ODAD2: variants seen among roughly 807,000 people sequenced by gnomAD.
ODAD2 encodes outer dynein arm docking complex subunit 2.
A neutral mutation model predicts 106.8 loss-of-function variants in ODAD2; 89 were observed. The observed-to-expected ratio is 0.83, with a 90% CI of 0.70 to 0.99. ODAD2 has a LOEUF of 0.99. ODAD2 is among the 50% of genes least tolerant of loss of function. The probability of loss-of-function intolerance (pLI) is 0.00; values close to 1 mark genes in which losing one functional copy is unlikely to be tolerated. For synonymous variants in ODAD2, 404 were observed against 436.2 expected (o/e 0.93, Z 0.92); for missense variants, 1,168 against 1,238.5 (o/e 0.94, Z 0.85).
chr10:27,842,891 C>T (rs1480518537), intron 19 of ODAD2, among the ~76,000 whole-genome samples: 1 of 152,200 alleles, frequency 6.6e-6, no homozygotes, highest in East Asian at 1.9e-4. Context: ...ATATACTCAA[C>T]ATCAATCAGT....
intron 17 of ODAD2, among the ~76,000 whole-genome samples, chr10:27,899,317 G>T (rs145388658): frequency 6.6e-6 from 1 of 152,060 alleles, no homozygotes; most frequent in Admixed American, 6.6e-5. Context: ...TTTGCAACCC[G>T]CAGACCAGGA....
At chr10:27,855,399 T>C (rs1478916293) in intron 19 of ODAD2, among the ~76,000 whole-genome samples, 1 of 152,136 alleles carries the variant, frequency 6.6e-6, no homozygotes, top group Non-Finnish European at 1.5e-5. Flanking sequence ...TATATATTCA[T>C]CGATACCAAT....
At chr10:27,816,940 G>C (rs1214056779) in intron 19 of ODAD2, among the ~76,000 whole-genome samples, 1 of 152,092 alleles carries the variant, frequency 6.6e-6, no homozygotes, top group Non-Finnish European at 1.5e-5. Context: ...AGTAGAGACG[G>C]GGTTTTGCCA....
At chr10:27,974,690 T>TG (rs35735652) in intron 7 of ODAD2, among the ~76,000 whole-genome samples, 65 of 64,558 alleles carry the variant, frequency 1.0e-3, no homozygotes, top group African/African-American at 3.5e-3. Context: ...TCTGTTTTTG[T>TG]TTTTTTTTTT....
In ODAD2 at chr10:27,913,121, T is replaced by C. The variant is rs560956949; in HGVS notation, c.2496-5344A>G. 4.6e-5 allele frequency among the ~76,000 whole-genome samples: 7 copies of C among 152,244 alleles called. No individual in the cohort carries two copies. In the East Asian group the frequency reaches 1.4e-3, roughly 29 times the overall value. On this transcript the variant is annotated intron_variant, in intron 16 of 19. Transcript: ENST00000305242. ...GTCAGAAAAATTATCATATAGTAAA[T>C]ATGTTTCTCCTTTTTTCAACTTTTT...
intron 10 of ODAD2, among the ~76,000 whole-genome samples, chr10:27,958,184 A>T (rs1365585321): frequency 6.6e-6 from 1 of 152,206 alleles, no homozygotes; most frequent in Non-Finnish European, 1.5e-5. Flanking sequence ...CAAGAGTATC[A>T]CATTTGCACA....
intron 10 of ODAD2, among the ~76,000 whole-genome samples, chr10:27,948,165 A>C (rs1236977677): frequency 6.6e-6 from 1 of 152,216 alleles, no homozygotes; most frequent in Non-Finnish European, 1.5e-5. Context: ...ATCATCAAGA[A>C]GTTAGATCCT....
intron 16 of ODAD2, among the ~76,000 whole-genome samples, chr10:27,913,207 G>A (rs1226264285): frequency 1.3e-5 from 2 of 151,966 alleles, no homozygotes; most frequent in South Asian, 2.1e-4. Flanking sequence ...CGGGGGTTTG[G>A]TGTACAGATT....
At chr10:27,944,559 C>A in intron 11 of ODAD2, 128 bp from the exon 12 acceptor site, 1 of 880,736 alleles carries the variant, frequency 1.1e-6, no homozygotes, top group Admixed American at 2.4e-5. Flanking sequence ...CCAGAGGTTA[C>A]ACACATCTGG....
intron 17 of ODAD2, among the ~76,000 whole-genome samples, chr10:27,874,923 TCTC>T: frequency 1.3e-5 from 2 of 152,310 alleles, no homozygotes; most frequent in South Asian, 4.1e-4. Context: ...TTGGGGAAGT[TCTC>T]CTGGATAATA....
chr10:27,920,958 C>G (rs987620939), intron 16 of ODAD2, among the ~76,000 whole-genome samples: 1 of 152,092 alleles, frequency 6.6e-6, no homozygotes, highest in Non-Finnish European at 1.5e-5. Flanking sequence ...TTAATTCTAT[C>G]CTTGTGTATG....
intron 17 of ODAD2, among the ~76,000 whole-genome samples, chr10:27,891,980 C>G (rs1842594845): frequency 6.6e-6 from 1 of 152,112 alleles, no homozygotes; most frequent in Non-Finnish European, 1.5e-5. Flanking sequence ...TTACCAGATT[C>G]AGTTGCATTC....
intron 19 of ODAD2, among the ~76,000 whole-genome samples, chr10:27,839,965 G>C (rs1838190031): frequency 6.6e-6 from 1 of 152,144 alleles, no homozygotes; most frequent in Non-Finnish European, 1.5e-5. Context: ...GGCAGTAGCT[G>C]AGTCTGGAAT....
intron 19 of ODAD2, among the ~76,000 whole-genome samples, chr10:27,826,208 C>T (rs1646437156): frequency 6.6e-6 from 1 of 152,188 alleles, no homozygotes; most frequent in African/African-American, 2.4e-5. Flanking sequence ...TCTGGTCCAC[C>T]ATGACACCTG....
intron 17 of ODAD2, among the ~76,000 whole-genome samples, chr10:27,897,167 G>T (rs532031052): frequency 1.3e-5 from 2 of 151,364 alleles, no homozygotes; most frequent in African/African-American, 4.9e-5. Flanking sequence ...CTTCCCACCC[G>T]CCTGCCTTCT....
At chr10:27,819,236 C>T (rs1836397240) in intron 19 of ODAD2, among the ~76,000 whole-genome samples, 1 of 151,944 alleles carries the variant, frequency 6.6e-6, no homozygotes, top group African/African-American at 2.4e-5. Flanking sequence ...GGGCAGAGGA[C>T]TCCTTATGGG....
At chr10:27,910,625 T>C (rs991320255) in intron 16 of ODAD2, among the ~76,000 whole-genome samples, 2 of 151,890 alleles carry the variant, frequency 1.3e-5, no homozygotes, top group African/African-American at 4.8e-5. Flanking sequence ...GGCATGGTGG[T>C]GCACGACTCT....
chr10:27,843,389 C>T (rs1216296617), intron 19 of ODAD2, among the ~76,000 whole-genome samples: 2 of 152,158 alleles, frequency 1.3e-5, no homozygotes, highest in Non-Finnish European at 2.9e-5. Flanking sequence ...TAGTGTACCA[C>T]CCAGCATAAC....
At chr10:27,901,275 T>C (rs1285343313) in intron 17 of ODAD2, among the ~76,000 whole-genome samples, 4 of 152,160 alleles carry the variant, frequency 2.6e-5, no homozygotes, top group African/African-American at 9.7e-5. Flanking sequence ...TGAGATTTTG[T>C]CACCACTAGG....
Sources: gnomAD v4.1 joint callset for allele counts (sites outside exome capture counted in the v4.1 genomes callset) on GRCh38, gnomAD v4.1.1 for gene constraint, MANE v1.5 for transcripts, NCBI Gene and HGNC (gene_info 2026-07-23, HGNC 2026-07-21) for gene names.